TMEM135: variants seen among roughly 807,000 people sequenced by gnomAD.
The protein encoded by TMEM135 is transmembrane protein 135, also known as peroxisomal membrane protein 52.
Under a neutral mutation model 60.3 loss-of-function variants are expected in TMEM135, and 30 were observed. The observed-to-expected ratio is 0.50, with a 90% CI of 0.37 to 0.68. TMEM135 has a LOEUF of 0.68. TMEM135 is among the 30% of genes least tolerant of loss of function. The pLI, the probability that TMEM135 is intolerant of heterozygous loss-of-function variation, is 0.00. For synonymous variants in TMEM135, 190 were observed against 186.7 expected (o/e 1.02, Z -0.14); for missense variants, 468 against 548.8 (o/e 0.85, Z 1.47).
intron 5 of TMEM135, among the ~76,000 whole-genome samples, chr11:87,202,870 A>C (rs1940147672): frequency 6.6e-6 from 1 of 151,546 alleles, no homozygotes; most frequent in South Asian, 2.1e-4. Flanking sequence ...GTCTCTACTA[A>C]AAATACAAAA....
chr11:87,038,232 T>C, intron 1 of TMEM135, 46 bp downstream of exon 1: 1 of 1,528,346 alleles, frequency 6.5e-7, no homozygotes, highest in East Asian at 2.7e-5. Flanking sequence ...GTCTGGAAGA[T>C]GGGCCGGGGG....
chr11:87,286,544 G>T (rs1056182784), intron 6 of TMEM135, among the ~76,000 whole-genome samples: 1 of 152,230 alleles, frequency 6.6e-6, no homozygotes, highest in African/African-American at 2.4e-5. Flanking sequence ...TTAGGCGGTC[G>T]ATGGGACCGG....
chr11:87,255,768 G>A (rs1459230055), intron 6 of TMEM135, among the ~76,000 whole-genome samples: 1 of 152,196 alleles, frequency 6.6e-6, no homozygotes, highest in African/African-American at 2.4e-5. Context: ...GCCTGTAAGA[G>A]AGGAAGTGAA....
chr11:87,213,988 A>G lies in TMEM135; in HGVS notation c.463-22650A>G, dbSNP rs184820918. Among the ~76,000 whole-genome samples, 68 of 152,328 alleles carry G rather than the reference A, an allele frequency of 4.5e-4. 1 individual carries two copies. The Middle Eastern group carries it at 0.024, about 53-fold the overall frequency. On this transcript the variant is annotated intron_variant, in intron 5 of 14. Coordinates refer to ENST00000305494, the MANE Select transcript of TMEM135 (RefSeq NM_022918.4). ...CAGCCTTTGCTTCCTTTAACATTCC[A>G]CAGTGATGTGATATATGAAAAAGAG... is the stretch of plus-strand genomic sequence containing the variant.
At chr11:87,065,200 A>G (rs921558020) in intron 1 of TMEM135, among the ~76,000 whole-genome samples, 2 of 152,206 alleles carry the variant, frequency 1.3e-5, no homozygotes, top group African/African-American at 2.4e-5. Flanking sequence ...TCTCAGAGAT[A>G]AATACCCCAG....
intron 6 of TMEM135, among the ~76,000 whole-genome samples, chr11:87,274,214 G>A (rs1327552527): frequency 6.6e-6 from 1 of 152,050 alleles, no homozygotes; most frequent in Non-Finnish European, 1.5e-5. Context: ...CTAAATAAAT[G>A]AAATAACTAA....
intron 6 of TMEM135, among the ~76,000 whole-genome samples, chr11:87,242,341 T>C (rs1048280477): frequency 2.0e-5 from 3 of 151,388 alleles, no homozygotes; most frequent in African/African-American, 7.3e-5. Context: ...TAGCAGCATG[T>C]TTTATAGTCC....
intron 6 of TMEM135, among the ~76,000 whole-genome samples, chr11:87,291,357 CTT>C (rs1398340141): frequency 6.6e-6 from 1 of 152,002 alleles, no homozygotes; most frequent in Non-Finnish European, 1.5e-5. Flanking sequence ...AATTCCCTCT[CTT>C]TTACTCCACG....
chr11:87,314,349 C>G, intron 11 of TMEM135, 122 bp from the exon 12 acceptor site: 1 of 806,016 alleles, frequency 1.2e-6, no homozygotes, highest in Non-Finnish European at 2.1e-6. Context: ...TTATTACTGT[C>G]CTTGATTGTG....
At chr11:87,138,580 A>G (rs944678308) in intron 4 of TMEM135, among the ~76,000 whole-genome samples, 1 of 152,206 alleles carries the variant, frequency 6.6e-6, no homozygotes, top group African/African-American at 2.4e-5. Context: ...TCTTGCATTT[A>G]TTCAATATTT....
chr11:87,133,416 A>G (rs1216687811), intron 4 of TMEM135, among the ~76,000 whole-genome samples: 1 of 152,158 alleles, frequency 6.6e-6, no homozygotes, highest in African/African-American at 2.4e-5. Context: ...CACATACCTC[A>G]TGGATGCCTT....
intron 5 of TMEM135, among the ~76,000 whole-genome samples, chr11:87,192,939 A>AC (rs1939848108): frequency 6.6e-6 from 1 of 151,854 alleles, no homozygotes; most frequent in African/African-American, 2.4e-5. Context: ...ACATGGGAAA[A>AC]CCCCGTCTCT....
intron 5 of TMEM135, among the ~76,000 whole-genome samples, chr11:87,216,936 GT>G (rs1326592158): frequency 6.6e-6 from 1 of 152,140 alleles, no homozygotes; most frequent in Non-Finnish European, 1.5e-5. Context: ...ATCTAAGTAA[GT>G]AGTGTATGTA....
At chr11:87,171,674 T>G (rs1382211039) in intron 5 of TMEM135, among the ~76,000 whole-genome samples, 1 of 152,238 alleles carries the variant, frequency 6.6e-6, no homozygotes, top group Non-Finnish European at 1.5e-5. Context: ...AGGTCCTATA[T>G]GGCTTTAACA....
chr11:87,308,469 A>G (rs1322646926), intron 9 of TMEM135, among the ~76,000 whole-genome samples: 1 of 152,176 alleles, frequency 6.6e-6, no homozygotes, highest in African/African-American at 2.4e-5. Context: ...AGGTAGTTTC[A>G]GGTAAATTAA....
At position 87,323,647 on chromosome 11, in the gene TMEM135, G is replaced by A. The variant is rs972088369; in HGVS notation, c.*2314G>A. On this transcript the variant is annotated 3_prime_UTR_variant, in exon 15 of 15. Transcript: ENST00000305494. Reference sequence around the variant, plus strand: ...TGACATTTTTATATAGATTGAGATTGAAAAACCGTGCATTTGGGGCAGTGG... The same window carrying A: ...TGACATTTTTATATAGATTGAGATTAAAAAACCGTGCATTTGGGGCAGTGG... 2.4e-5 allele frequency: 11 copies of A among 453,488 alleles called. 1 individual carries two copies. The highest frequency in any genetic ancestry group is 4.0e-5 in the African/African-American group (2 of 49,912). 28.1% of individuals were successfully genotyped at this position (453,488 alleles called of 1,614,324 possible).
chr11:87,220,875 G>A (rs1940604038), intron 5 of TMEM135, among the ~76,000 whole-genome samples: 1 of 152,136 alleles, frequency 6.6e-6, no homozygotes, highest in African/African-American at 2.4e-5. Flanking sequence ...CATTTTCAAG[G>A]TAGTTCGTTG....
intron 1 of TMEM135, among the ~76,000 whole-genome samples, chr11:87,060,171 T>G (rs1949932968): frequency 6.6e-6 from 1 of 152,228 alleles, no homozygotes; most frequent in Non-Finnish European, 1.5e-5. Flanking sequence ...GAGGGTAAAG[T>G]TAATTGCACA....
chr11:87,322,953 T>G lies in TMEM135; in HGVS notation c.*1620T>G, dbSNP rs1590872496. The G allele has an allele frequency of 4.4e-6, 2 of 454,422 alleles. No homozygotes were observed. Among genetic ancestry groups the G allele is most frequent in the Non-Finnish European group, 8.8e-6 (2 of 226,726 alleles). 28.1% of individuals were successfully genotyped at this position (454,422 alleles called of 1,614,324 possible). A position where few individuals can be genotyped will look rare whatever the true frequency, so the allele number is the denominator to read the frequency against. On this transcript the variant is annotated 3_prime_UTR_variant, in exon 15 of 15. Transcript: ENST00000305494. ...GATTAATAAATTTAATCTTAACTTTTTATTCACTGGAATCAAAACGATGGT... is the reference window on the plus strand; with the variant it reads ...GATTAATAAATTTAATCTTAACTTTGTATTCACTGGAATCAAAACGATGGT...
Sources: allele counts gnomAD v4.1 joint callset (sites outside exome capture counted in the v4.1 genomes callset), GRCh38; gene constraint gnomAD v4.1.1; transcripts MANE v1.5; gene names NCBI Gene and HGNC (gene_info 2026-07-23, HGNC 2026-07-21).